Variants in AUTS2 observed in about 807,000 individuals in gnomAD.
AUTS2 encodes the protein autism susceptibility gene 2 protein.
AUTS2 carries 17 observed loss-of-function variants against 112.4 expected under a neutral mutation model. The ratio of observed to expected loss-of-function variants is 0.15; its 90% CI spans 0.10 to 0.23. The LOEUF (loss-of-function observed/expected upper bound fraction) is 0.23. Ranked by LOEUF, AUTS2 falls within the 10% of genes least tolerant of loss-of-function variation. The pLI is 1.00. For synonymous variants in AUTS2, 751 were observed against 702.7 expected (o/e 1.07, Z -1.09); for missense variants, 1,510 against 1,701.6 (o/e 0.89, Z 1.98).
intron 4 of AUTS2, among the ~76,000 whole-genome samples, chr7:70,356,747 G>A (rs1011806572): frequency 2.2e-5 from 3 of 135,732 alleles, no homozygotes; most frequent in Admixed American, 8.2e-5. Flanking sequence ...AGTGAGTTTT[G>A]TACCACACTG....
At chr7:69,728,361 G>A (rs1014233376) in intron 1 of AUTS2, among the ~76,000 whole-genome samples, 9 of 152,334 alleles carry the variant, frequency 5.9e-5, no homozygotes, top group African/African-American at 1.2e-4. Context: ...TTAGTAGAGC[G>A]TGTAAATGTA....
At chr7:70,012,172 G>A (rs1799835793) in intron 2 of AUTS2, among the ~76,000 whole-genome samples, 1 of 152,182 alleles carries the variant, frequency 6.6e-6, no homozygotes, top group South Asian at 2.1e-4. Flanking sequence ...GGCAGAGATA[G>A]TTAATGAGTA....
intron 1 of AUTS2, among the ~76,000 whole-genome samples, chr7:69,825,397 G>T (rs1441763908): frequency 6.6e-6 from 1 of 152,084 alleles, no homozygotes; most frequent in South Asian, 2.1e-4. Flanking sequence ...GTGATTCTAG[G>T]GTATAACTGG....
At chr7:69,916,935 T>C (rs1795602499) in intron 2 of AUTS2, among the ~76,000 whole-genome samples, 2 of 152,242 alleles carry the variant, frequency 1.3e-5, no homozygotes, top group African/African-American at 4.8e-5. Context: ...AATCGTGTCA[T>C]TTGTTTCAAG....
At chr7:70,320,186 G>T (rs1408747548) in intron 4 of AUTS2, among the ~76,000 whole-genome samples, 2 of 152,136 alleles carry the variant, frequency 1.3e-5, no homozygotes, top group Non-Finnish European at 2.9e-5. Context: ...CAGTGAACTT[G>T]AGTTTAAACT....
chr7:70,208,432 T>C (rs1335050046), intron 4 of AUTS2, among the ~76,000 whole-genome samples: 2 of 152,174 alleles, frequency 1.3e-5, no homozygotes, highest in East Asian at 1.9e-4. Flanking sequence ...GGTTGCAGTA[T>C]TCCAAGGACT....
intron 3 of AUTS2, chr7:70,118,932 A>G (rs1407992446): frequency 6.6e-6 from 1 of 151,816 alleles, no homozygotes; most frequent in Non-Finnish European, 1.5e-5. Flanking sequence ...TACTTCTGAG[A>G]ACCACCTACC....
chr7:70,622,345 G>A (rs570600787), intron 5 of AUTS2, among the ~76,000 whole-genome samples: 2 of 152,160 alleles, frequency 1.3e-5, no homozygotes, highest in African/African-American at 4.8e-5. Flanking sequence ...TCATCCTGCC[G>A]TCTAGACCTG....
At chr7:70,743,013 T>C (rs1788207693) in intron 6 of AUTS2, among the ~76,000 whole-genome samples, 3 of 152,200 alleles carry the variant, frequency 2.0e-5, no homozygotes. Context: ...AACTATAATA[T>C]GTTGCCTTGC....
intron 3 of AUTS2, among the ~76,000 whole-genome samples, chr7:70,123,409 T>C (rs969176814): frequency 3.3e-5 from 5 of 152,146 alleles, no homozygotes; most frequent in Non-Finnish European, 7.4e-5. Flanking sequence ...CATCACCCAG[T>C]AGTACCCAAT....
At position 70,439,144 on chromosome 7, in the gene AUTS2, G is replaced by C. The variant is rs142071698; in HGVS notation, c.690+3363G>C. Among the ~76,000 whole-genome samples, 561 of 152,310 alleles carry C rather than the reference G, an allele frequency of 3.7e-3. 2 individuals carry two copies. The highest frequency in any genetic ancestry group is 0.013 in the African/African-American group (527 of 41,558). On this transcript the variant is annotated intron_variant, in intron 5 of 18. Coordinates refer to ENST00000342771, the MANE Select transcript of AUTS2 (RefSeq NM_015570.4). ...AGGAGACACACTTGTGCACAAAAAG[G>C]CTTTGATGAGACACTGAGCAAAGTA...
At chr7:70,499,448 A>G (rs900346775) in intron 5 of AUTS2, among the ~76,000 whole-genome samples, 3 of 152,300 alleles carry the variant, frequency 2.0e-5, no homozygotes, top group Admixed American at 2.0e-4. Context: ...TGGGAACAAC[A>G]TGGAAGAGGC....
At chr7:70,311,435 G>A (rs1789744685) in intron 4 of AUTS2, among the ~76,000 whole-genome samples, 1 of 152,156 alleles carries the variant, frequency 6.6e-6, no homozygotes, top group Non-Finnish European at 1.5e-5. Context: ...AAAGCTTTCT[G>A]TTTTTCTGGT....
At chr7:69,730,571 C>T (rs1055045962) in intron 1 of AUTS2, among the ~76,000 whole-genome samples, 4 of 152,186 alleles carry the variant, frequency 2.6e-5, no homozygotes, top group Non-Finnish European at 4.4e-5. Context: ...CCAATCTCAG[C>T]TTCCTGTAAT....
intron 10 of AUTS2, among the ~76,000 whole-genome samples, chr7:70,768,475 C>G (rs1048071345): frequency 6.6e-6 from 1 of 152,136 alleles, no homozygotes; most frequent in African/African-American, 2.4e-5. Context: ...AGTCCCTTGT[C>G]TTTTTGACTC....
intron 4 of AUTS2, among the ~76,000 whole-genome samples, chr7:70,351,207 C>T (rs1480931733): frequency 1.3e-5 from 2 of 152,010 alleles, no homozygotes; most frequent in Non-Finnish European, 2.9e-5. Context: ...TGCGCCAATA[C>T]GCCTGGCTAA....
intron 5 of AUTS2, among the ~76,000 whole-genome samples, chr7:70,685,631 A>G (rs1055818450): frequency 6.6e-6 from 1 of 152,120 alleles, no homozygotes; most frequent in African/African-American, 2.4e-5. Context: ...ATTTCTTTCA[A>G]TATTCATATT....
chr7:69,918,603 G>A (rs963748154), intron 2 of AUTS2, among the ~76,000 whole-genome samples: 2 of 152,168 alleles, frequency 1.3e-5, no homozygotes, highest in Admixed American at 6.5e-5. Context: ...TAGACTTTGT[G>A]AGGATTTTGA....
chr7:70,177,168 T>C (rs750444015), intron 4 of AUTS2, among the ~76,000 whole-genome samples: 3 of 152,208 alleles, frequency 2.0e-5, no homozygotes, highest in Non-Finnish European at 4.4e-5. Flanking sequence ...TTATAAATAA[T>C]AGTAATCCTG....
Sources: allele counts gnomAD v4.1 joint callset (sites outside exome capture counted in the v4.1 genomes callset), GRCh38; gene constraint gnomAD v4.1.1; transcripts MANE v1.5; gene names NCBI Gene and HGNC (gene_info 2026-07-23, HGNC 2026-07-21).